TMEM132C: variants seen among roughly 807,000 people sequenced by gnomAD.
TMEM132C encodes protein phosphatase 1, regulatory subunit 152.
A neutral mutation model predicts 61.4 loss-of-function variants in TMEM132C; 29 were observed. The ratio of observed to expected loss-of-function variants is 0.47; its 90% confidence interval spans 0.35 to 0.64. TMEM132C has a LOEUF of 0.64. TMEM132C is among the 30% of genes least tolerant of loss of function. The probability of loss-of-function intolerance (pLI) is 0.00; values close to 1 mark genes in which losing one functional copy is unlikely to be tolerated. For missense variants in TMEM132C, 1,408 were observed against 1,476.9 expected (o/e 0.95, Z 0.76); for synonymous variants, 656 against 633.1 (o/e 1.04, Z -0.54).
intron 2 of TMEM132C, among the ~76,000 whole-genome samples, chr12:128,432,933 G>A (rs1869440865): frequency 6.6e-6 from 1 of 151,744 alleles, no homozygotes; most frequent in Admixed American, 6.6e-5. Context: ...AGCCACCCCA[G>A]CCTTCAGCAA....
intron 1 of TMEM132C, among the ~76,000 whole-genome samples, chr12:128,363,494 G>A (rs1306085765): frequency 6.6e-6 from 1 of 152,148 alleles, no homozygotes; most frequent in Non-Finnish European, 1.5e-5. Flanking sequence ...CAGAGTCAGT[G>A]TGGGTGCACC....
chr12:128,414,989 A>T lies in TMEM132C; in HGVS notation c.343A>T (p.Thr115Ser). The T allele has an allele frequency of 1.3e-6, 2 of 1,552,302 alleles. No individual in the cohort carries two copies. Among genetic ancestry groups the T allele is most frequent in the Non-Finnish European group, 1.7e-6 (2 of 1,147,306 alleles). ...EKVVPLDLML[T>S]SNFLGPTNKF... ...GGTTGTGCCTCTGGACTTGATGTTG[A>T]CTTCAAACTTTTTAGGTCCAACCAA... Residue 115 changes from threonine (T) to serine (S), a missense_variant, in exon 2 of 9, where the codon ACT becomes TCT. Thr to Ser is a moderately conservative substitution (Grantham distance 58, BLOSUM62 1). Coordinates refer to ENST00000435159, the MANE Select transcript of TMEM132C (RefSeq NM_001136103.3).
At chr12:128,644,493 G>A (rs1206163609) in intron 4 of TMEM132C, among the ~76,000 whole-genome samples, 1 of 152,182 alleles carries the variant, frequency 6.6e-6, no homozygotes, top group Non-Finnish European at 1.5e-5. Flanking sequence ...AGTAAGTGAA[G>A]CGTTTAAAAA....
intron 2 of TMEM132C, among the ~76,000 whole-genome samples, chr12:128,433,470 T>G (rs1869467256): frequency 6.6e-6 from 1 of 152,234 alleles, no homozygotes; most frequent in South Asian, 2.1e-4. Context: ...TTAAATAAAC[T>G]TTAAGAAAAA....
rs187706760 is a variant in TMEM132C at position 128,653,364 on chromosome 12, G to A, written c.1306-16053G>A. ...AGATTAAGTGAGAGTGTACTGGTTA[G>A]TATGCTTTAAATGTGTGCATCGTAT... On this transcript the variant is annotated intron_variant, in intron 4 of 8. Transcript: ENST00000435159. 1.5e-4 allele frequency among the ~76,000 whole-genome samples: 23 copies of A among 152,320 alleles called. No individual in the cohort carries two copies. The East Asian group carries it at 3.1e-3, about 20-fold the overall frequency.
chr12:128,674,497 T>C (rs1009807633), intron 5 of TMEM132C, among the ~76,000 whole-genome samples: 5 of 152,190 alleles, frequency 3.3e-5, no homozygotes, highest in African/African-American at 4.8e-5. Context: ...CTTGGTCATA[T>C]GGTAACCTTA....
intron 2 of TMEM132C, among the ~76,000 whole-genome samples, chr12:128,499,635 G>A (rs1300195931): frequency 6.6e-6 from 1 of 152,110 alleles, no homozygotes; most frequent in East Asian, 1.9e-4. Flanking sequence ...ATGAGAACAT[G>A]CAATATTTGT....
intron 3 of TMEM132C, among the ~76,000 whole-genome samples, chr12:128,600,778 T>C (rs1443902163): frequency 1.3e-5 from 2 of 152,208 alleles, no homozygotes; most frequent in Non-Finnish European, 2.9e-5. Flanking sequence ...CCTCTCCCAC[T>C]GTGCCTGGCA....
At position 128,504,192 on chromosome 12, in the gene TMEM132C, C is replaced by T. The variant is rs367680938; in HGVS notation, c.975-39765C>T. Among the ~76,000 whole-genome samples, 4 of 152,144 alleles carry T rather than the reference C, an allele frequency of 2.6e-5. No individual in the cohort carries two copies. In the East Asian group the frequency reaches 5.8e-4, roughly 22 times the overall value. On this transcript the variant is annotated intron_variant, in intron 2 of 8. Coordinates refer to ENST00000435159, the MANE Select transcript of TMEM132C (RefSeq NM_001136103.3). ...CAGGGTCTCCAAGAGCAAGTGAATCCACAGGCCAGTTCAGAACCTGAATAA... is the reference window on the plus strand; with the variant it reads ...CAGGGTCTCCAAGAGCAAGTGAATCTACAGGCCAGTTCAGAACCTGAATAA...
chr12:128,361,805 G>C lies in TMEM132C; in HGVS notation c.86-52927G>C, dbSNP rs543637840. Among the ~76,000 whole-genome samples, 67 of 152,202 alleles carry C rather than the reference G, an allele frequency of 4.4e-4. 1 individual carries two copies. Among genetic ancestry groups the C allele is most frequent in the African/African-American group, 1.5e-3 (61 of 41,518 alleles). ...TTCATTTCTGAGGACTTGGGGCCCC[G>C]TTGATAAGCTTTTTCTTCTAAGGAT... On this transcript the variant is annotated intron_variant, in intron 1 of 8. Transcript: ENST00000435159.
At chr12:128,565,288 C>G (rs900634650) in intron 3 of TMEM132C, among the ~76,000 whole-genome samples, 3 of 152,288 alleles carry the variant, frequency 2.0e-5, no homozygotes, top group Non-Finnish European at 4.4e-5. Context: ...ATATAAGACC[C>G]CGGCCTCTCC....
intron 1 of TMEM132C, among the ~76,000 whole-genome samples, chr12:128,291,537 A>C (rs539584781): frequency 6.6e-6 from 1 of 152,296 alleles, no homozygotes; most frequent in East Asian, 1.9e-4. Flanking sequence ...TGAAAGGGGG[A>C]GGAGAGTCTG....
intron 2 of TMEM132C, among the ~76,000 whole-genome samples, chr12:128,519,550 A>C (rs1012701651): frequency 1.3e-5 from 2 of 152,180 alleles, no homozygotes; most frequent in East Asian, 3.9e-4. Flanking sequence ...TATGTCCTTT[A>C]AGGTCAAGGA....
intron 1 of TMEM132C, among the ~76,000 whole-genome samples, chr12:128,402,899 C>T (rs1290124593): frequency 6.6e-6 from 1 of 152,148 alleles, no homozygotes; most frequent in Non-Finnish European, 1.5e-5. Flanking sequence ...GGCACAGTTC[C>T]TTTGCTGTAC....
intron 1 of TMEM132C, among the ~76,000 whole-genome samples, chr12:128,355,979 G>T (rs1033061348): frequency 4.6e-5 from 7 of 152,092 alleles, no homozygotes; most frequent in Non-Finnish European, 8.8e-5. Context: ...CTGCAAGCAG[G>T]TCATCTCTGT....
intron 5 of TMEM132C, among the ~76,000 whole-genome samples, chr12:128,685,692 C>T (rs117205255): frequency 0.022 from 3,410 of 152,254 alleles, 95 homozygotes; most frequent in South Asian, 0.14. Context: ...GAGGAGAAGG[C>T]GGGCCTCCCT....
At position 128,570,933 on chromosome 12, in the gene TMEM132C, T is replaced by G. The variant is rs78442551; in HGVS notation, c.1121+26830T>G. Among the ~76,000 whole-genome samples, 128 of 152,332 alleles carry G rather than the reference T, an allele frequency of 8.4e-4. 1 individual carries two copies. The East Asian group carries it at 0.024, about 28-fold the overall frequency. ...GTCTGGGGAAGTTACTATTTTCACT[T>G]TGGCACGTTACCACCCTGAAAAGAT... On this transcript the variant is annotated intron_variant, in intron 3 of 8. Coordinates refer to ENST00000435159, the MANE Select transcript of TMEM132C (RefSeq NM_001136103.3). This position sits in a 1 kb window ranked among gnomAD's most constrained non-coding sequence, Gnocchi z 4.7.
intron 3 of TMEM132C, among the ~76,000 whole-genome samples, chr12:128,551,432 C>T (rs762932634): frequency 5.3e-5 from 8 of 152,148 alleles, no homozygotes; most frequent in Non-Finnish European, 7.3e-5. Context: ...CACACCAGAC[C>T]GCGTGGCATT....
chr12:128,560,416 G>C (rs1874470568), intron 3 of TMEM132C, among the ~76,000 whole-genome samples: 1 of 152,160 alleles, frequency 6.6e-6, no homozygotes, highest in Admixed American at 6.5e-5. Context: ...TGGCCTTCCA[G>C]GAGACCTGAC....
Sources: gnomAD v4.1 joint callset for allele counts (sites outside exome capture counted in the v4.1 genomes callset) on GRCh38, gnomAD v4.1.1 for gene constraint, Gnocchi (gnomAD v3.1) non-coding constraint, MANE v1.5 for transcripts, NCBI Gene and HGNC (gene_info 2026-07-23, HGNC 2026-07-21) for gene names.